UBASH3B: variants seen among roughly 807,000 people sequenced by gnomAD.
UBASH3B encodes ubiquitin associated and SH3 domain containing B, also known as ubiquitin-associated and SH3 domain-containing protein B.
UBASH3B carries 37 observed loss-of-function variants against 83.4 expected under a neutral mutation model. That is an observed-to-expected ratio of 0.44 (90% confidence interval 0.34 to 0.58). The LOEUF (loss-of-function observed/expected upper bound fraction) is 0.58, where lower values mean the gene tolerates loss of function less well. Among genes scored for constraint, UBASH3B ranks in the 20% least tolerant of loss-of-function variants. The pLI is 0.01. For missense variants in UBASH3B, 657 were observed against 827.2 expected, an observed-to-expected ratio of 0.79 and a Z score of 2.52; for synonymous variants, 304 against 318.3, an observed-to-expected ratio of 0.96 and a Z score of 0.48.
chr11:122,744,871 C>CTGTGTGTGTGTGTGTGTGTGTGTGTG (rs1472956565), intron 1 of UBASH3B, among the ~76,000 whole-genome samples: 1 of 26,006 alleles, frequency 3.8e-5, no homozygotes, highest in African/African-American at 1.7e-4. Flanking sequence ...ACATGTGTGA[C>CTGTGTGTGTGTGTGTGTGTGTGTGTG]TCTGTGTGTG....
chr11:122,720,801 C>T (rs184122163), intron 1 of UBASH3B, among the ~76,000 whole-genome samples: 21 of 152,278 alleles, frequency 1.4e-4, no homozygotes, highest in East Asian at 7.7e-4. Context: ...CCTTCCCACC[C>T]TTCCCTGCCT....
intron 1 of UBASH3B, among the ~76,000 whole-genome samples, chr11:122,699,318 AGAG>A (rs1453136685): frequency 3.3e-5 from 5 of 152,178 alleles, no homozygotes; most frequent in African/African-American, 1.2e-4. Flanking sequence ...CTCACAACTC[AGAG>A]GAGTGTGGCA....
At chr11:122,763,513 C>G (rs906685266) in intron 1 of UBASH3B, among the ~76,000 whole-genome samples, 1 of 152,194 alleles carries the variant, frequency 6.6e-6, no homozygotes, top group Non-Finnish European at 1.5e-5. Flanking sequence ...TGAAGACTTA[C>G]TTAAGCCCCC....
rs761956190 is a variant in UBASH3B, at chr11:122,810,916, A to G, written c.*1030A>G. Reference sequence around the variant, plus strand: ...ACACTTACAGTACGTGTCAACCATAATGGAACATCCACAAATGCATCAATT... The same window carrying G: ...ACACTTACAGTACGTGTCAACCATAGTGGAACATCCACAAATGCATCAATT... On this transcript the variant is annotated 3_prime_UTR_variant, in exon 14 of 14. Coordinates refer to ENST00000284273, the MANE Select transcript of UBASH3B (RefSeq NM_032873.5). 1.2e-4 allele frequency: 18 copies of G among 152,228 alleles called. No homozygotes were observed. Among genetic ancestry groups the G allele is most frequent in the Non-Finnish European group, 2.5e-4 (17 of 68,046 alleles). The allele number at this position is 152,228 out of a possible 1,614,324, so 9.4% of individuals were successfully genotyped here.
At chr11:122,776,632 A>C (rs1286864241) in intron 2 of UBASH3B, among the ~76,000 whole-genome samples, 1 of 152,120 alleles carries the variant, frequency 6.6e-6, no homozygotes, top group Non-Finnish European at 1.5e-5. Context: ...TGGGTCCTAC[A>C]AGGTTACCTC....
chr11:122,712,713 A>G (rs992883679), intron 1 of UBASH3B, among the ~76,000 whole-genome samples: 6 of 152,054 alleles, frequency 3.9e-5, no homozygotes, highest in Admixed American at 6.6e-5. Context: ...TTGCACAAAC[A>G]AAAGCAAACG....
chr11:122,680,083 G>A (rs1370022519), intron 1 of UBASH3B, among the ~76,000 whole-genome samples: 3 of 151,940 alleles, frequency 2.0e-5, no homozygotes, highest in East Asian at 1.9e-4. Flanking sequence ...CATCCGCCTC[G>A]GCCTCCCAAA....
At chr11:122,747,971 A>G (rs1221131948) in intron 1 of UBASH3B, among the ~76,000 whole-genome samples, 1 of 152,250 alleles carries the variant, frequency 6.6e-6, no homozygotes, top group Non-Finnish European at 1.5e-5. Flanking sequence ...TAAAGAGCAT[A>G]GTACATACAC....
At chr11:122,764,519 G>T (rs1054409698) in intron 1 of UBASH3B, among the ~76,000 whole-genome samples, 5 of 152,242 alleles carry the variant, frequency 3.3e-5, no homozygotes, top group Non-Finnish European at 5.9e-5. Flanking sequence ...AGCCTGGAAG[G>T]CTTGGCTGAA....
chr11:122,807,533 C>G (rs541804388), intron 12 of UBASH3B, among the ~76,000 whole-genome samples: 1 of 152,002 alleles, frequency 6.6e-6, no homozygotes, highest in Admixed American at 6.6e-5. Flanking sequence ...TGTATGTAAC[C>G]CTCCCATAAA....
At chr11:122,736,878 T>A (rs1182853749) in intron 1 of UBASH3B, among the ~76,000 whole-genome samples, 1 of 151,652 alleles carries the variant, frequency 6.6e-6, no homozygotes, top group Non-Finnish European at 1.5e-5. Flanking sequence ...AGTGAGACCC[T>A]CTCTCAAAAT....
intron 1 of UBASH3B, among the ~76,000 whole-genome samples, chr11:122,699,070 G>A (rs539463801): frequency 6.6e-5 from 10 of 152,170 alleles, no homozygotes; most frequent in Admixed American, 2.0e-4. Flanking sequence ...GGCTGGTCTC[G>A]AACTCCTGAC....
At position 122,801,171 on chromosome 11, in the gene UBASH3B, T is replaced by C. The variant is rs1425028106; in HGVS notation, c.1451-17T>C. 1.9e-6 allele frequency: 3 copies of C among 1,611,950 alleles called. No individual in the cohort carries two copies. The highest frequency in any genetic ancestry group is 2.5e-6 in the Non-Finnish European group (3 of 1,179,316). ...CCACAGGCACTTTCTTCATCTTCAC[T>C]GTATTTTACCCCTAAGGTTTACAAC... is the stretch of plus-strand genomic sequence containing the variant. On this transcript the variant is annotated splice_polypyrimidine_tract_variant and intron_variant, in intron 10 of 13. Transcript: ENST00000284273.
intron 1 of UBASH3B, among the ~76,000 whole-genome samples, chr11:122,686,672 G>A (rs1230039009): frequency 2.0e-5 from 3 of 152,090 alleles, no homozygotes; most frequent in Admixed American, 2.0e-4. Context: ...TTTGGGAGGA[G>A]AATGAAGGCC....
At chr11:122,656,257 G>T in intron 1 of UBASH3B, 47 bp downstream of exon 1, 1 of 1,352,018 alleles carries the variant, frequency 7.4e-7, no homozygotes, top group Non-Finnish European at 9.6e-7. Flanking sequence ...CCGCGCGCGC[G>T]GCCGGCCCTC....
At chr11:122,790,549 CTG>C (rs1177932123) in intron 6 of UBASH3B, among the ~76,000 whole-genome samples, 1 of 152,240 alleles carries the variant, frequency 6.6e-6, no homozygotes, top group East Asian at 1.9e-4. Context: ...CGTGAATAAA[CTG>C]AGAACTAAAA....
At chr11:122,661,976 A>G (rs1863449688) in intron 1 of UBASH3B, among the ~76,000 whole-genome samples, 1 of 146,354 alleles carries the variant, frequency 6.8e-6, no homozygotes, top group African/African-American at 2.6e-5. Flanking sequence ...GCGTGATCTC[A>G]GCTCACTGCA....
chr11:122,688,149 G>T (rs192174354), intron 1 of UBASH3B, among the ~76,000 whole-genome samples: 60 of 152,166 alleles, frequency 3.9e-4, no homozygotes, highest in Middle Eastern at 3.4e-3. Context: ...TAATTGGGGT[G>T]ATGACAATTG....
chr11:122,780,736 A>C (rs1312135179), intron 4 of UBASH3B, among the ~76,000 whole-genome samples: 1 of 152,220 alleles, frequency 6.6e-6, no homozygotes, highest in East Asian at 1.9e-4. Context: ...TGGCAGGAGC[A>C]CAGGCAGGCA....
Sources: gnomAD v4.1 joint callset for allele counts (sites outside exome capture counted in the v4.1 genomes callset) on GRCh38, gnomAD v4.1.1 for gene constraint, MANE v1.5 for transcripts, NCBI Gene and HGNC (gene_info 2026-07-23, HGNC 2026-07-21) for gene names.